The following EGLN2 variants were observed in gnomAD, a reference collection of about 807,000 sequenced individuals.
EGLN2 encodes prolyl hydroxylase EGLN2.
A neutral mutation model predicts 38.2 loss-of-function variants in EGLN2; 15 were observed. That is an observed-to-expected ratio of 0.39 (90% CI 0.26 to 0.60). EGLN2 has a LOEUF of 0.60. Ranked by LOEUF, EGLN2 falls within the 20% of genes least tolerant of loss-of-function variation. EGLN2 has a pLI of 0.50. For synonymous variants in EGLN2, 284 were observed against 237.4 expected, an observed-to-expected ratio of 1.20 and a Z score of -1.81; for missense variants, 492 against 570.4, an observed-to-expected ratio of 0.86 and a Z score of 1.40.
At position 40,799,216 on chromosome 19, in the gene EGLN2, G is replaced by A. The variant is rs1393741347; in HGVS notation, c.-281G>A. 2.7e-5 allele frequency: 4 copies of A among 149,632 alleles called. No individual in the cohort carries two copies. Among genetic ancestry groups the A allele is most frequent in the Non-Finnish European group, 6.0e-5 (4 of 67,086 alleles). 9.3% of individuals were successfully genotyped at this position (149,632 alleles called of 1,614,324 possible). ...GGGGTATGGCGCGCTGTGCGGCGCAGGGCGGCTGGCACAAACGGCGGCGCC... is the reference window on the plus strand; with the variant it reads ...GGGGTATGGCGCGCTGTGCGGCGCAAGGCGGCTGGCACAAACGGCGGCGCC... On this transcript the variant is annotated 5_prime_UTR_variant, in exon 1 of 6. Coordinates refer to ENST00000303961, the MANE Select transcript of EGLN2 (RefSeq NM_080732.4).
intron 3 of EGLN2, 84 bp downstream of exon 3, chr19:40,806,758 C>A: frequency 6.5e-7 from 1 of 1,549,878 alleles, no homozygotes; most frequent in Non-Finnish European, 8.8e-7. Context: ...TTTCCACTCT[C>A]AGCCCAGATT....
Position 40,800,581 on chromosome 19 carries a change from C to A in EGLN2, c.9C>A (p.Ser3Arg). The change falls in exon 2 of 6, where the codon AGC becomes AGA. Residue 3 changes from serine to arginine, a missense_variant. This residue lies in a region of EGLN2 where 378 missense variants were observed against 386.2 expected (regional missense o/e 0.98). Transcript: ENST00000303961. MD[S>R]PCQPQPLSQA... ...ATGAAGACACTGCTGCCATGGACAG[C>A]CCGTGCCAGCCGCAGCCCCTAAGTC... 6.3e-7 allele frequency: 1 copy of A among 1,599,356 alleles called. No homozygotes were observed. The highest frequency in any genetic ancestry group is 1.1e-5 in the South Asian group (1 of 89,584).
chr19:40,807,701 CCAACAGGAGCCCCATTTCTT>C (rs1429272709), intron 5 of EGLN2, 88 bp from the exon 6 acceptor site: 1 of 1,412,228 alleles, frequency 7.1e-7, no homozygotes, highest in Non-Finnish European at 9.9e-7. Flanking sequence ...TCCTGGTACC[CCAACAGGAGCCCCATTTCTT>C]CCTGGTCCTC....
chr19:40,800,599 C>A lies in EGLN2; in HGVS notation c.27C>A (p.Pro9=). The change falls in exon 2 of 6, where the codon CCC becomes CCA. Residue 9 remains proline (P), a synonymous_variant. Transcript: ENST00000303961. MDSPCQPQ[P]LSQALPQLPG... ...TGGACAGCCCGTGCCAGCCGCAGCC[C>A]CTAAGTCAGGCTCTCCCTCAGTTAC... is the stretch of plus-strand genomic sequence containing the variant. 11 of 1,610,564 alleles carry A rather than the reference C, an allele frequency of 6.8e-6. No homozygotes were observed. The highest frequency in any genetic ancestry group is 9.3e-6 in the Non-Finnish European group (11 of 1,178,360).
intron 2 of EGLN2, 172 bp from the exon 3 acceptor site, chr19:40,806,383 G>A: frequency 3.1e-6 from 4 of 1,303,614 alleles, no homozygotes; most frequent in Non-Finnish European, 4.1e-6. Context: ...ACTTGGGGAT[G>A]GGATTTTGGC....
chr19:40,799,420 C>G (rs2083233369), intron 1 of EGLN2, 158 bp downstream of exon 1: 1 of 86,916 alleles, frequency 1.2e-5, no homozygotes, highest in Non-Finnish European at 2.2e-5. Flanking sequence ...GGACGCGCGC[C>G]GGTTACGTTG....
intron 2 of EGLN2, chr19:40,803,247 A>G (rs1299332205): frequency 6.6e-6 from 1 of 152,344 alleles, no homozygotes; most frequent in Non-Finnish European, 1.5e-5. Context: ...TGAGTCTGGC[A>G]GTTTGGGGAG....
intron 5 of EGLN2, 65 bp from the exon 6 acceptor site, chr19:40,807,744 C>G: frequency 6.4e-7 from 1 of 1,573,404 alleles, no homozygotes; most frequent in Non-Finnish European, 8.7e-7. Flanking sequence ...CCCATCTCCC[C>G]AGGTTTCCCT....
At chr19:40,807,047 A>T (rs957316343) in intron 3 of EGLN2, 91 bp from the exon 4 acceptor site, 10 of 1,573,078 alleles carry the variant, frequency 6.4e-6, no homozygotes, top group Non-Finnish European at 7.8e-6. Flanking sequence ...ATGCAGGCAG[A>T]CGCTGCGCCT....
intron 2 of EGLN2, among the ~76,000 whole-genome samples, chr19:40,802,744 T>TC (rs1335830924): frequency 6.6e-6 from 1 of 152,208 alleles, no homozygotes; most frequent in Non-Finnish European, 1.5e-5. Flanking sequence ...TGGCCTTGAG[T>TC]CCAAGGCTTG....
intron 1 of EGLN2, 190 bp from the exon 2 acceptor site, chr19:40,800,149 T>C (rs535755163): frequency 3.3e-4 from 65 of 194,050 alleles, no homozygotes; most frequent in Middle Eastern, 2.3e-3. Flanking sequence ...CTGCCTCTTA[T>C]CTGTCAGCGG....
At chr19:40,807,699 C>A in intron 5 of EGLN2, 110 bp from the exon 6 acceptor site, 2 of 1,406,456 alleles carry the variant, frequency 1.4e-6, no homozygotes, top group Non-Finnish European at 2.0e-6. Context: ...TCTCCTGGTA[C>A]CCCAACAGGA....
Position 40,807,937 on chromosome 19 carries a change from C to T in EGLN2, c.*73C>T. ...GAGCCCTGGGCCTGTGCTGGCTGCT[C>T]CTTCCCTGCCACCGCTGCTGCTTCT... On this transcript the variant is annotated 3_prime_UTR_variant, in exon 6 of 6. Transcript: ENST00000303961. 7.0e-7 allele frequency: 1 copy of T among 1,434,296 alleles called. No individual in the cohort carries two copies. The highest frequency in any genetic ancestry group is 9.7e-7 in the Non-Finnish European group (1 of 1,028,070). 88.8% of individuals were successfully genotyped at this position (1,434,296 alleles called of 1,614,324 possible).
Position 40,800,466 on chromosome 19 carries a change from G to A in EGLN2, c.-107G>A, listed in dbSNP as rs919341158. 3 of 1,435,060 alleles carry A rather than the reference G, an allele frequency of 2.1e-6. No individual in the cohort carries two copies. Among genetic ancestry groups the A allele is most frequent in the East Asian group, 2.5e-5 (1 of 40,334 alleles). 88.9% of individuals were successfully genotyped at this position (1,435,060 alleles called of 1,614,324 possible). On this transcript the variant is annotated 5_prime_UTR_variant, in exon 2 of 6. Transcript: ENST00000303961. ...CCTCACCCTGCCCCACGCCAGGCCC[G>A]GTGGCCCCCAGCTGCATCAAGTGGA...
In EGLN2 at chr19:40,800,982, C is replaced by T; in HGVS notation, c.410C>T (p.Ala137Val). The stretch of plus-strand genomic sequence containing the variant: ...CCTTCACCCAGCAAACGGCCCTGGG[C>T]CAGGCAAGAGAACCAGGAGGCAGAG... ...DAPSPSKRPWARQENQEAERE... is the reference protein window; with the variant it reads ...DAPSPSKRPWVRQENQEAERE... The change falls in exon 2 of 6, where the codon GCC becomes GTC. Residue 137 changes from alanine (A) to valine (V), a missense_variant. Around this residue, in one of 2 missense-constraint regions of EGLN2, gnomAD observed 378 missense variants for 386.2 expected, o/e 0.98. Coordinates refer to ENST00000303961, the MANE Select transcript of EGLN2 (RefSeq NM_080732.4). The T allele has an allele frequency of 1.9e-6, 3 of 1,612,438 alleles. No individual in the cohort carries two copies. The highest frequency in any genetic ancestry group is 2.5e-6 in the Non-Finnish European group (3 of 1,179,536).
Position 40,801,216 on chromosome 19 carries a change from G to T in EGLN2, c.644G>T (p.Arg215Leu). Residue 215 changes from arginine (R) to leucine (L), a missense_variant, in exon 2 of 6, where the codon CGG becomes CTG. Physicochemically the swap from Arg to Leu is moderately radical, Grantham distance 102. Around this residue, in one of 2 missense-constraint regions of EGLN2, gnomAD observed 378 missense variants for 386.2 expected, o/e 0.98. Coordinates refer to ENST00000303961, the MANE Select transcript of EGLN2 (RefSeq NM_080732.4). Reference sequence around the variant, plus strand: ...CTGGCCGAGGTGGAGGCCCTCAAACGGGGTGGGCGCCTGCGAGACGGGCAG... The same window carrying T: ...CTGGCCGAGGTGGAGGCCCTCAAACTGGGTGGGCGCCTGCGAGACGGGCAG... ...RVLAEVEALK[R>L]GGRLRDGQLV... 6.2e-7 allele frequency: 1 copy of T among 1,612,544 alleles called. No individual in the cohort carries two copies. The highest frequency in any genetic ancestry group is 1.1e-5 in the South Asian group (1 of 91,066).
In EGLN2 at chr19:40,801,388, C is replaced by T. The variant is rs777449727; in HGVS notation, c.816C>T (p.Gly272=). ...AVIRHCAGRL[G]SYVINGRTKA... is the part of the protein sequence containing the mutation. ...TCCGCCACTGCGCAGGGCGGCTGGG[C>T]AGCTATGTCATCAACGGGCGCACCA... The change falls in exon 2 of 6, where the codon GGC becomes GGT. Residue 272 remains glycine (G), a synonymous_variant. Coordinates refer to ENST00000303961, the MANE Select transcript of EGLN2 (RefSeq NM_080732.4). The T allele has an allele frequency of 6.2e-7, 1 of 1,607,550 alleles. No homozygotes were observed. The highest frequency in any genetic ancestry group is 2.2e-5 in the East Asian group (1 of 44,828).
At position 40,800,702 on chromosome 19, in the gene EGLN2, C is replaced by T. The variant is rs376747613; in HGVS notation, c.130C>T (p.Leu44=). 2 of 1,614,082 alleles carry T rather than the reference C, an allele frequency of 1.2e-6. No individual in the cohort carries two copies. The highest frequency in any genetic ancestry group is 1.7e-6 in the Non-Finnish European group (2 of 1,180,022). ...MGVESYLPCP[L]LPSYHCPGVP... ...AGTGGAGAGTTACCTGCCCTGTCCC[C>T]TGCTCCCCTCCTACCACTGTCCAGG... Residue 44 remains leucine, a synonymous_variant, in exon 2 of 6, where the codon CTG becomes TTG. Coordinates refer to ENST00000303961, the MANE Select transcript of EGLN2 (RefSeq NM_080732.4).
intron 2 of EGLN2, among the ~76,000 whole-genome samples, chr19:40,803,620 G>A (rs16974537): frequency 0.017 from 2,600 of 152,190 alleles, 71 homozygotes; most frequent in African/African-American, 0.057. Context: ...CTTCTTAGTC[G>A]TTCTGAGTGG....
Sources: gnomAD v4.1 joint callset for allele counts (sites outside exome capture counted in the v4.1 genomes callset) on GRCh38, gnomAD v4.1.1 for gene constraint, gnomAD v4.1.1 regional missense constraint, MANE v1.5 for transcripts, NCBI Gene and HGNC (gene_info 2026-07-23, HGNC 2026-07-21) for gene names.